The following MYO16 variants were observed in gnomAD, a reference collection of about 807,000 sequenced individuals.
The protein encoded by MYO16 is unconventional myosin-XVI.
In MYO16, 94 loss-of-function variants were observed where a neutral mutation model predicts 205.3. The observed-to-expected ratio is 0.46, with a 90% CI of 0.39 to 0.54. The LOEUF (loss-of-function observed/expected upper bound fraction) is 0.54. MYO16 is among the 20% of genes least tolerant of loss of function. The pLI is 0.00. For missense variants in MYO16, 2,315 were observed against 2,387.5 expected (o/e 0.97, Z 0.63); for synonymous variants, 988 against 954.0 (o/e 1.04, Z -0.66).
intron 24 of MYO16, among the ~76,000 whole-genome samples, chr13:109,050,973 T>G (rs1025587344): frequency 6.6e-6 from 1 of 152,186 alleles, no homozygotes; most frequent in Non-Finnish European, 1.5e-5. Flanking sequence ...AAGCTTTGAT[T>G]TATCTTAGAA....
chr13:108,558,876 C>A, the MYO16 span, among the ~76,000 whole-genome samples: 6 of 152,192 alleles, frequency 3.9e-5, no homozygotes, highest in Admixed American at 3.9e-4. Context: ...AAATTCATTT[C>A]AAAAACCCAC....
intron 21 of MYO16, among the ~76,000 whole-genome samples, chr13:108,994,316 TAC>T (rs146565717): frequency 6.8e-6 from 1 of 146,446 alleles, no homozygotes; most frequent in African/African-American, 2.6e-5. Context: ...AAATTTGAAA[TAC>T]ACACACACAC....
At chr13:108,932,122 A>C (rs1882282633) in intron 16 of MYO16, among the ~76,000 whole-genome samples, 1 of 152,154 alleles carries the variant, frequency 6.6e-6, no homozygotes, top group South Asian at 2.1e-4. Context: ...TTTTAATTTC[A>C]ATGACTTTTG....
intron 1 of MYO16, among the ~76,000 whole-genome samples, chr13:108,638,072 G>A (rs763843965): frequency 3.3e-5 from 5 of 152,104 alleles, no homozygotes; most frequent in Non-Finnish European, 7.3e-5. Flanking sequence ...GAAGCAGAGT[G>A]GACTTGAGGG....
At chr13:109,010,571 A>G (rs1020579348) in intron 22 of MYO16, among the ~76,000 whole-genome samples, 9 of 152,130 alleles carry the variant, frequency 5.9e-5, no homozygotes, top group Non-Finnish European at 1.3e-4. Flanking sequence ...TGCAATATCC[A>G]TTGACAGCTT....
At chr13:108,713,953 G>A (rs1340469596) in intron 3 of MYO16, among the ~76,000 whole-genome samples, 1 of 152,114 alleles carries the variant, frequency 6.6e-6, no homozygotes, top group Admixed American at 6.5e-5. Context: ...TAGATCCTAG[G>A]TTTAATTTTA....
At chr13:108,890,336 G>A (rs1880111988) in intron 14 of MYO16, among the ~76,000 whole-genome samples, 1 of 152,084 alleles carries the variant, frequency 6.6e-6, no homozygotes, top group East Asian at 1.9e-4. Flanking sequence ...CATTGCTGCT[G>A]TGGAGTCATC....
chr13:108,618,048 G>T (rs1879411341), intron 1 of MYO16, among the ~76,000 whole-genome samples: 1 of 152,106 alleles, frequency 6.6e-6, no homozygotes, highest in South Asian at 2.1e-4. Context: ...TACCCAGTCT[G>T]CTCTGTCTTC....
chr13:108,754,515 C>CGT (rs10684656), intron 4 of MYO16, among the ~76,000 whole-genome samples: 11,833 of 150,560 alleles, frequency 0.079, 1,518 homozygotes, highest in African/African-American at 0.27. Context: ...CAGGTTTTGG[C>CGT]GTGTGTGTGT....
At chr13:108,715,266 G>A (rs1019380919) in intron 3 of MYO16, among the ~76,000 whole-genome samples, 5 of 152,110 alleles carry the variant, frequency 3.3e-5, no homozygotes, top group East Asian at 3.9e-4. Flanking sequence ...TACACGGCTC[G>A]CTTGCTGACT....
chr13:109,121,671 G>GC (rs1875996566), intron 29 of MYO16, among the ~76,000 whole-genome samples: 2 of 152,196 alleles, frequency 1.3e-5, no homozygotes, highest in Admixed American at 1.3e-4. Flanking sequence ...TCCATGCAGG[G>GC]GCCTGGCAGG....
intron 21 of MYO16, among the ~76,000 whole-genome samples, chr13:109,000,290 TAGTC>T (rs1166627019): frequency 2.0e-5 from 3 of 152,218 alleles, no homozygotes; most frequent in Non-Finnish European, 2.9e-5. Context: ...CTCCTACTAT[TAGTC>T]AGATTATTTT....
chr13:108,985,419 G>A (rs1268694048), intron 20 of MYO16, among the ~76,000 whole-genome samples: 1 of 152,154 alleles, frequency 6.6e-6, no homozygotes, highest in Non-Finnish European at 1.5e-5. Context: ...GTTTTTGTGG[G>A]AAGGAGTAAA....
At chr13:108,800,039 C>T (rs546174976) in intron 6 of MYO16, among the ~76,000 whole-genome samples, 1 of 152,196 alleles carries the variant, frequency 6.6e-6, no homozygotes, top group South Asian at 2.1e-4. Flanking sequence ...ATGGGGAAGC[C>T]TTAGCCTGTA....
intron 12 of MYO16, among the ~76,000 whole-genome samples, chr13:108,873,127 T>G (rs56793278): frequency 1.3e-5 from 2 of 152,322 alleles, no homozygotes; most frequent in South Asian, 2.1e-4. Context: ...TTATTTCTTT[T>G]TGTTTCTAGT....
chr13:108,566,571 G>T, the MYO16 span, among the ~76,000 whole-genome samples: 1 of 151,766 alleles, frequency 6.6e-6, no homozygotes, highest in Non-Finnish European at 1.5e-5. Context: ...GGCAGAGGTT[G>T]CAGTGAGCAG....
At chr13:108,667,571 G>A (rs1179893013) in intron 2 of MYO16, among the ~76,000 whole-genome samples, 1 of 152,100 alleles carries the variant, frequency 6.6e-6, no homozygotes, top group African/African-American at 2.4e-5. Flanking sequence ...CGAAGGTAGG[G>A]AGAATGCCCA....
At chr13:108,552,490 A>T in the MYO16 span, among the ~76,000 whole-genome samples, 1 of 152,258 alleles carries the variant, frequency 6.6e-6, no homozygotes, top group Non-Finnish European at 1.5e-5. Flanking sequence ...CTGTTTACAC[A>T]TCATCCATAC....
the MYO16 span, among the ~76,000 whole-genome samples, chr13:108,522,764 G>A: frequency 1.2e-5 from 1 of 80,082 alleles, no homozygotes; most frequent in African/African-American, 3.1e-5. Flanking sequence ...GGGTGTGTGT[G>A]TTTGTGTGTG....
Sources: gnomAD v4.1 joint callset for allele counts (sites outside exome capture counted in the v4.1 genomes callset) on GRCh38, gnomAD v4.1.1 for gene constraint, MANE v1.5 for transcripts, NCBI Gene and HGNC (gene_info 2026-07-23, HGNC 2026-07-21) for gene names.